The following ABCG2 variants were observed in gnomAD, a reference collection of about 807,000 sequenced individuals.
The protein encoded by ABCG2 is ATP binding cassette subfamily G member 2 (JR blood group), also known as broad substrate specificity ATP-binding cassette transporter ABCG2.
A neutral mutation model predicts 73.5 loss-of-function variants in ABCG2; 80 were observed. That is an observed-to-expected ratio of 1.09 (90% confidence interval 0.91 to 1.31). ABCG2 has a LOEUF of 1.31. Ranked by LOEUF, ABCG2 falls within the 50% of genes most tolerant of loss-of-function variation. ABCG2 has a pLI of 0.00. For synonymous variants in ABCG2, 269 were observed against 282.4 expected, an observed-to-expected ratio of 0.95 and a Z score of 0.48; for missense variants, 796 against 786.2, an observed-to-expected ratio of 1.01 and a Z score of -0.15.
At chr4:88,130,945 A>G in intron 5 of ABCG2, 116 bp downstream of exon 5, 1 of 1,214,616 alleles carries the variant, frequency 8.2e-7, no homozygotes, top group Non-Finnish European at 1.2e-6. Context: ...TTGTTATGGA[A>G]AGCAACCATT....
chr4:88,098,645 GAGATAGATAGATAGAT>G (rs55760486), intron 12 of ABCG2, among the ~76,000 whole-genome samples: 2 of 143,814 alleles, frequency 1.4e-5, no homozygotes, highest in African/African-American at 2.6e-5. Context: ...GAGACAGGGA[GAGATAGATAGATAGAT>G]AGATAGATAG....
At chr4:88,117,676 G>C (rs1238930869) in intron 7 of ABCG2, among the ~76,000 whole-genome samples, 2 of 152,114 alleles carry the variant, frequency 1.3e-5, no homozygotes, top group Non-Finnish European at 1.5e-5. Context: ...ATTTCCATGA[G>C]TGCTCATCAA....
At chr4:88,167,421 T>A (rs1415404796) in intron 1 of ABCG2, among the ~76,000 whole-genome samples, 1 of 142,962 alleles carries the variant, frequency 7.0e-6, no homozygotes, top group Non-Finnish European at 1.5e-5. Context: ...TTGCCCAGGC[T>A]GGAGTACAGT....
At chr4:88,093,480 G>A (rs925527311) in intron 15 of ABCG2, among the ~76,000 whole-genome samples, 2 of 143,246 alleles carry the variant, frequency 1.4e-5, no homozygotes, top group African/African-American at 5.2e-5. Context: ...CTCCAGCCTC[G>A]GTGACAGAGC....
chr4:88,230,358 G>A (rs1730417783), intron 1 of ABCG2, among the ~76,000 whole-genome samples: 1 of 125,514 alleles, frequency 8.0e-6, no homozygotes, highest in Non-Finnish European at 1.6e-5. Flanking sequence ...TTTTGAGACG[G>A]AGTCTCGCAC....
chr4:88,115,803 T>C (rs148939396), intron 7 of ABCG2, among the ~76,000 whole-genome samples: 47 of 151,846 alleles, frequency 3.1e-4, no homozygotes, highest in Admixed American at 1.6e-3. Flanking sequence ...AAGAAAAAAA[T>C]CCAAAAGCCC....
chr4:88,095,299 C>T (rs1319470706), intron 14 of ABCG2, among the ~76,000 whole-genome samples: 1 of 152,186 alleles, frequency 6.6e-6, no homozygotes, highest in African/African-American at 2.4e-5. Context: ...TAGGAGGTAT[C>T]TCCCCTAGCC....
chr4:88,158,987 G>A (rs1248286459), upstream of ABCG2: 1 of 360,472 alleles, frequency 2.8e-6, no homozygotes, highest in Non-Finnish European at 5.5e-6. Context: ...CCGACTGCCG[G>A]GCCGCGATAA....
At chr4:88,203,408 C>G (rs1465864967) in intron 1 of ABCG2, among the ~76,000 whole-genome samples, 4 of 152,146 alleles carry the variant, frequency 2.6e-5, no homozygotes, top group African/African-American at 9.7e-5. Context: ...AGAACTATTT[C>G]TTCAAAGAGG....
chr4:88,148,484 A>G (rs1279454715), intron 1 of ABCG2, among the ~76,000 whole-genome samples: 2 of 152,138 alleles, frequency 1.3e-5, no homozygotes, highest in Non-Finnish European at 2.9e-5. Flanking sequence ...GTGCCTGATC[A>G]GGAGCTAAGA....
chr4:88,158,281 C>T (rs982853106), intron 1 of ABCG2, 105 bp downstream of exon 1: 1 of 324,406 alleles, frequency 3.1e-6, no homozygotes, highest in African/African-American at 2.2e-5. Flanking sequence ...AAAACTCAGT[C>T]GTCTCGTTTG....
chr4:88,154,770 G>A (rs188016751), intron 1 of ABCG2, among the ~76,000 whole-genome samples: 144 of 152,312 alleles, frequency 9.5e-4, no homozygotes, highest in African/African-American at 2.7e-3. Context: ...GAGTATAGCT[G>A]GAGGAGCCGG....
At chr4:88,195,375 G>T (rs1728901028) in intron 1 of ABCG2, among the ~76,000 whole-genome samples, 1 of 152,162 alleles carries the variant, frequency 6.6e-6, no homozygotes, top group African/African-American at 2.4e-5. Context: ...TAACTTAGAA[G>T]GGTTTGTTCC....
At chr4:88,125,707 G>T (rs1023526836) in intron 5 of ABCG2, among the ~76,000 whole-genome samples, 1 of 146,840 alleles carries the variant, frequency 6.8e-6, no homozygotes, top group African/African-American at 2.5e-5. Flanking sequence ...AATGAAGGCA[G>T]AAATAAATAA....
intron 9 of ABCG2, among the ~76,000 whole-genome samples, chr4:88,112,551 C>T (rs995049329): frequency 7.2e-5 from 11 of 152,022 alleles, no homozygotes; most frequent in African/African-American, 2.7e-4. Flanking sequence ...AACTGTCTTC[C>T]TCAAAAAATT....
chr4:88,218,803 C>A (rs1258232491), intron 1 of ABCG2, among the ~76,000 whole-genome samples: 1 of 152,186 alleles, frequency 6.6e-6, no homozygotes, highest in African/African-American at 2.4e-5. Flanking sequence ...GAAGAGTAGA[C>A]AATATCTCTA....
intron 2 of ABCG2, among the ~76,000 whole-genome samples, chr4:88,138,847 T>C (rs1425721683): frequency 6.6e-6 from 1 of 152,122 alleles, no homozygotes; most frequent in African/African-American, 2.4e-5. Context: ...GCATGCCATT[T>C]GACCATAAAA....
At chr4:88,107,781 C>T (rs1352946710) in intron 9 of ABCG2, among the ~76,000 whole-genome samples, 2 of 152,140 alleles carry the variant, frequency 1.3e-5, no homozygotes, top group Non-Finnish European at 2.9e-5. Flanking sequence ...TTAAAGCACA[C>T]ATTAAAAAAA....
chr4:88,147,561 A>G (rs1726142086), intron 1 of ABCG2, among the ~76,000 whole-genome samples: 3 of 152,344 alleles, frequency 2.0e-5, no homozygotes, highest in South Asian at 2.1e-4. Context: ...GAGGCTGGCT[A>G]TCATAAAAGC....
Sources: allele counts gnomAD v4.1 joint callset (sites outside exome capture counted in the v4.1 genomes callset), GRCh38; gene constraint gnomAD v4.1.1; transcripts MANE v1.5; gene names NCBI Gene and HGNC (gene_info 2026-07-23, HGNC 2026-07-21).